Variants in SLC45A2 observed in about 807,000 individuals in gnomAD.
SLC45A2 encodes membrane-associated transporter protein.
In SLC45A2, 36 loss-of-function variants were observed where a neutral mutation model predicts 45.5. That is an observed-to-expected ratio of 0.79 (90% CI 0.61 to 1.04). The LOEUF is 1.04. Among genes scored for constraint, SLC45A2 ranks in the 50% least tolerant of loss-of-function variants. SLC45A2 has a pLI of 0.00. For synonymous variants in SLC45A2, 306 were observed against 269.3 expected (o/e 1.14, Z -1.33); for missense variants, 719 against 671.0 (o/e 1.07, Z -0.79).
Position 33,951,136 on chromosome 5 carries a change from G to C in SLC45A2, c.1156+418C>G, listed in dbSNP as rs115658239. 4.5e-3 allele frequency among the ~76,000 whole-genome samples: 681 copies of C among 152,294 alleles called. 1 individual carries two copies. Among genetic ancestry groups the C allele is most frequent in the Non-Finnish European group, 6.9e-3 (469 of 68,020 alleles). ...CATCTGAGCTAAGGTCATTTTGCATGCTGACTTTGTCACCTGTCATATTAA... is the reference window on the plus strand; with the variant it reads ...CATCTGAGCTAAGGTCATTTTGCATCCTGACTTTGTCACCTGTCATATTAA... On this transcript the variant is annotated intron_variant, in intron 5 of 6. Transcript: ENST00000296589.
At chr5:33,982,173 C>G in intron 2 of SLC45A2, 63 bp downstream of exon 2, 1 of 1,588,830 alleles carries the variant, frequency 6.3e-7, no homozygotes, top group Non-Finnish European at 8.6e-7. Context: ...CACTGGATGG[C>G]TTTAGTGGAA....
intron 2 of SLC45A2, among the ~76,000 whole-genome samples, chr5:33,976,047 G>C (rs1752921289): frequency 6.6e-6 from 1 of 152,292 alleles, no homozygotes; most frequent in Non-Finnish European, 1.5e-5. Flanking sequence ...CTCACTGAAA[G>C]CCAGCAGACA....
rs370992032 is a variant in SLC45A2, at chr5:33,960,028, C to T, written c.888+3663G>A. Among the ~76,000 whole-genome samples, 35 of 152,026 alleles carry T rather than the reference C, an allele frequency of 2.3e-4. No homozygotes were observed. The East Asian group carries it at 2.9e-3, about 13-fold the overall frequency. ...TTAAAATACCATTAAAATAAAGTAC[C>T]GTTTTTAAATTTTGTAAACCGCTTA... is the stretch of plus-strand genomic sequence containing the variant. On this transcript the variant is annotated intron_variant, in intron 3 of 6. Coordinates refer to ENST00000296589, the MANE Select transcript of SLC45A2 (RefSeq NM_016180.5).
chr5:33,983,241 G>A lies in SLC45A2; in HGVS notation c.386-829C>T, dbSNP rs150024545. On this transcript the variant is annotated intron_variant, in intron 1 of 6. Coordinates refer to ENST00000296589, the MANE Select transcript of SLC45A2 (RefSeq NM_016180.5). ...TTCATTCTACGGATACGCTGTAATC[G>A]TTTACCCAATCTCCTATAAAAGATA... Among the ~76,000 whole-genome samples the A allele has an allele frequency of 2.6e-3, 390 of 152,240 alleles. 2 individuals carry two copies. The highest frequency in any genetic ancestry group is 0.02 in the Admixed American group (303 of 15,288).
chr5:33,946,048 T>C (rs563678376), intron 6 of SLC45A2: 19 of 985,324 alleles, frequency 1.9e-5, no homozygotes, highest in Non-Finnish European at 2.3e-5. Flanking sequence ...AAGTGCTAAC[T>C]AATAAACAAG....
intron 3 of SLC45A2, among the ~76,000 whole-genome samples, chr5:33,955,091 T>C (rs1752236325): frequency 6.6e-6 from 1 of 152,142 alleles, no homozygotes; most frequent in Non-Finnish European, 1.5e-5. Flanking sequence ...AAGTACAGAA[T>C]TTTCTCCAGC....
intron 5 of SLC45A2, among the ~76,000 whole-genome samples, chr5:33,949,529 A>G (rs2111908568): frequency 6.6e-6 from 1 of 152,314 alleles, no homozygotes; most frequent in African/African-American, 2.4e-5. Flanking sequence ...TATGGGAGTG[A>G]AAAAGGGCAA....
intron 3 of SLC45A2, among the ~76,000 whole-genome samples, chr5:33,956,617 C>T (rs10055010): frequency 5.2e-4 from 79 of 152,336 alleles, no homozygotes; most frequent in African/African-American, 1.8e-3. Flanking sequence ...CATAACAATG[C>T]TTCTGCTCAT....
chr5:33,965,094 C>A (rs572204775), intron 2 of SLC45A2, among the ~76,000 whole-genome samples: 1 of 152,174 alleles, frequency 6.6e-6, no homozygotes, highest in Non-Finnish European at 1.5e-5. Flanking sequence ...TCATGCCTAC[C>A]AACCACAACT....
intron 1 of SLC45A2, among the ~76,000 whole-genome samples, chr5:33,983,813 ATATT>A (rs896320548): frequency 2.0e-5 from 3 of 152,230 alleles, no homozygotes; most frequent in African/African-American, 4.8e-5. Context: ...CTTATTGTAA[ATATT>A]TATGGAGCTA....
rs1181282933 is a variant in SLC45A2, at chr5:33,963,877, C to T, written c.702G>A (p.Leu234=). 3 of 1,614,124 alleles carry T rather than the reference C, an allele frequency of 1.9e-6. No homozygotes were observed. In the Admixed American group the frequency reaches 5.0e-5, roughly 27 times the overall value. Residue 234 remains leucine (L), a synonymous_variant, in exon 3 of 7, where the codon CTG becomes CTA. Coordinates refer to ENST00000296589, the MANE Select transcript of SLC45A2 (RefSeq NM_016180.5). Reference sequence around the variant, plus strand: ...TAAGTGGGGCTTCAGAGATACTGCACAGATGAACAGTAAAACACAAAGTGA... The same window carrying T: ...TAAGTGGGGCTTCAGAGATACTGCATAGATGAACAGTAAAACACAAAGTGA... ...LVLTLCFTVH[L]CSISEAPLTE...
In SLC45A2 at chr5:33,971,550, C is replaced by T. The variant is rs1328338601; in HGVS notation, c.563-7534G>A. On this transcript the variant is annotated intron_variant, in intron 2 of 6. Coordinates refer to ENST00000296589, the MANE Select transcript of SLC45A2 (RefSeq NM_016180.5). ...ATCTCCCAGGCTCAGGTGATCCTTC[C>T]ACCTCAGCCTCCGGAGTGGCTCAGA... 7 of 243,912 alleles carry T rather than the reference C, an allele frequency of 2.9e-5. No homozygotes were observed. The Admixed American group carries it at 3.1e-4, about 11-fold the overall frequency. 15.1% of individuals were successfully genotyped at this position (243,912 alleles called of 1,614,324 possible).
chr5:33,979,036 T>G (rs547540212), intron 2 of SLC45A2, among the ~76,000 whole-genome samples: 1 of 152,134 alleles, frequency 6.6e-6, no homozygotes, highest in African/African-American at 2.4e-5. Context: ...ATACTGTCAA[T>G]GAAAAGAGTC....
chr5:33,964,545 C>A (rs1237851729), intron 2 of SLC45A2, among the ~76,000 whole-genome samples: 4 of 152,168 alleles, frequency 2.6e-5, no homozygotes, highest in Non-Finnish European at 5.9e-5. Context: ...CAAAAGCTGT[C>A]TTTCTTCCTC....
chr5:33,984,610 G>A lies in SLC45A2; in HGVS notation c.-27C>T, dbSNP rs781046827. 6.2e-7 allele frequency: 1 copy of A among 1,605,382 alleles called. No homozygotes were observed. Among genetic ancestry groups the A allele is most frequent in the African/African-American group, 1.3e-5 (1 of 74,892 alleles). ...GCCACTGGGAGAGGAACCTTCCTGC[G>A]AGCCCACCACCTCCTGCGTGGTCCT... On this transcript the variant is annotated 5_prime_UTR_variant, in exon 1 of 7. Transcript: ENST00000296589.
At chr5:33,978,135 T>C (rs1752981353) in intron 2 of SLC45A2, among the ~76,000 whole-genome samples, 1 of 151,860 alleles carries the variant, frequency 6.6e-6, no homozygotes, top group Non-Finnish European at 1.5e-5. Context: ...AGAAGGGAGG[T>C]GTTGGACATA....
chr5:33,969,130 T>C (rs1752704625), intron 2 of SLC45A2, among the ~76,000 whole-genome samples: 1 of 150,830 alleles, frequency 6.6e-6, no homozygotes, highest in South Asian at 2.1e-4. Context: ...TCAATAGAAA[T>C]TGTTAGAGCA....
rs73077106 is a variant in SLC45A2, at chr5:33,952,165, C to T, written c.1033-488G>A. ...TTTAAGAGACAGGGTCTTGGTCTGT[C>T]ACTCAGAATGGAGTACAGCGGCACA... On this transcript the variant is annotated intron_variant, in intron 4 of 6. Transcript: ENST00000296589. Among the ~76,000 whole-genome samples the T allele has an allele frequency of 5.2e-3, 789 of 152,168 alleles. 2 individuals are homozygous for T. Among genetic ancestry groups the T allele is most frequent in the African/African-American group, 0.018 (759 of 41,514 alleles).
chr5:33,983,614 T>C (rs908617125), intron 1 of SLC45A2, among the ~76,000 whole-genome samples: 5 of 152,272 alleles, frequency 3.3e-5, no homozygotes, highest in African/African-American at 4.8e-5. Flanking sequence ...TTTATTGTAC[T>C]ACCATCAATT....
Sources: gnomAD v4.1 joint callset for allele counts (sites outside exome capture counted in the v4.1 genomes callset) on GRCh38, gnomAD v4.1.1 for gene constraint, MANE v1.5 for transcripts, NCBI Gene and HGNC (gene_info 2026-07-23, HGNC 2026-07-21) for gene names.